TSHZ2: variants seen among roughly 807,000 people sequenced by gnomAD.
The protein encoded by TSHZ2 is teashirt homolog 2.
A neutral mutation model predicts 74.4 loss-of-function variants in TSHZ2; 21 were observed. The ratio of observed to expected loss-of-function variants is 0.28; its 90% CI spans 0.20 to 0.41. TSHZ2 has a LOEUF of 0.41. Ranked by LOEUF, TSHZ2 falls within the 10% of genes least tolerant of loss-of-function variation. The pLI is 1.00. For missense variants in TSHZ2, 1,244 were observed against 1,293.5 expected (o/e 0.96, Z 0.59); for synonymous variants, 540 against 515.3 (o/e 1.05, Z -0.65).
intron 1 of TSHZ2, among the ~76,000 whole-genome samples, chr20:53,101,916 C>T (rs1986228993): frequency 6.6e-6 from 1 of 151,696 alleles, no homozygotes; most frequent in African/African-American, 2.4e-5. Flanking sequence ...TTATTTCCAA[C>T]TTTAAAATCA....
At position 53,078,366 on chromosome 20, in the gene TSHZ2, A is replaced by C. The variant is rs1250973345; in HGVS notation, c.40+105033A>C. On this transcript the variant is annotated intron_variant, in intron 1 of 2. Transcript: ENST00000371497. ...TTTGAGTAATACTTGTTCATTGTAG[A>C]AGATTTGCCAAGTCCAAGAACTACA... 2.0e-5 allele frequency among the ~76,000 whole-genome samples: 3 copies of C among 152,192 alleles called. No homozygotes were observed. In the East Asian group the frequency reaches 5.8e-4, roughly 29 times the overall value.
chr20:53,377,392 G>A (rs1238658915), intron 2 of TSHZ2, among the ~76,000 whole-genome samples: 3 of 152,094 alleles, frequency 2.0e-5, no homozygotes, highest in Admixed American at 6.6e-5. Flanking sequence ...TCTCTCACTC[G>A]GTAGCTTGGA....
At chr20:53,171,445 A>C (rs1054677364) in intron 1 of TSHZ2, among the ~76,000 whole-genome samples, 1 of 152,252 alleles carries the variant, frequency 6.6e-6, no homozygotes, top group African/African-American at 2.4e-5. Context: ...TTAAAAATGT[A>C]ATTTAAATGT....
At chr20:53,235,766 A>G (rs1401712635) in intron 1 of TSHZ2, among the ~76,000 whole-genome samples, 1 of 152,178 alleles carries the variant, frequency 6.6e-6, no homozygotes, top group Non-Finnish European at 1.5e-5. Flanking sequence ...TGCCTGAGTA[A>G]TTAATTCAAA....
In TSHZ2 at chr20:53,070,594, T is replaced by TACTC. The variant is rs566426325; in HGVS notation, c.40+97262_40+97265dup. Among the ~76,000 whole-genome samples the TACTC allele has an allele frequency of 7.2e-5, 11 of 152,342 alleles. No individual in the cohort carries two copies. The South Asian group carries it at 2.3e-3, about 32-fold the overall frequency. On this transcript the variant is annotated intron_variant, in intron 1 of 2. Transcript: ENST00000371497. Reference sequence around the variant, plus strand: ...AAGAGTAATTCACAAGTCAATACATTACTCCTTCACACTTAAACATTGATT... The same window carrying TACTC: ...AAGAGTAATTCACAAGTCAATACATTACTCACTCCTTCACACTTAAACATTGATT...
At chr20:53,004,177 A>G (rs542849056) in intron 1 of TSHZ2, among the ~76,000 whole-genome samples, 1 of 152,266 alleles carries the variant, frequency 6.6e-6, no homozygotes, top group Admixed American at 6.5e-5. Context: ...AACTTTAAAC[A>G]TATTTCATAC....
At chr20:53,421,674 G>GT (rs764819493) in intron 2 of TSHZ2, 14,932 of 131,562 alleles carry the variant, frequency 0.11, 1,300 homozygotes, top group East Asian at 0.31. Flanking sequence ...TTTATCTTAT[G>GT]TTTTTGGTTT....
At chr20:53,279,487 A>G (rs996560645) in intron 2 of TSHZ2, among the ~76,000 whole-genome samples, 1 of 152,224 alleles carries the variant, frequency 6.6e-6, no homozygotes, top group African/African-American at 2.4e-5. Context: ...GGCAGGCTGG[A>G]TCAGGCCCAC....
chr20:53,012,693 CATGCACACCTACACAT>C (rs1343168728), intron 1 of TSHZ2, among the ~76,000 whole-genome samples: 33 of 152,128 alleles, frequency 2.2e-4, no homozygotes, highest in Non-Finnish European at 4.7e-4. Context: ...TGCACACATA[CATGCACACCTACACAT>C]ATGCACAGAT....
At chr20:53,385,114 C>T (rs978802531) in intron 2 of TSHZ2, among the ~76,000 whole-genome samples, 2 of 151,474 alleles carry the variant, frequency 1.3e-5, no homozygotes, top group Non-Finnish European at 2.9e-5. Flanking sequence ...GGCAAGACTC[C>T]GTCTCAAAAA....
chr20:53,465,897 C>T (rs1985541722), intron 2 of TSHZ2, among the ~76,000 whole-genome samples: 1 of 151,612 alleles, frequency 6.6e-6, no homozygotes, highest in South Asian at 2.1e-4. Flanking sequence ...AATCTACCAA[C>T]CCTCTTTTCC....
intron 2 of TSHZ2, among the ~76,000 whole-genome samples, chr20:53,387,930 TCC>T (rs905313630): frequency 6.6e-6 from 1 of 151,630 alleles, no homozygotes; most frequent in Non-Finnish European, 1.5e-5. Flanking sequence ...GCGCCTGTAG[TCC>T]CAGCTACTCA....
chr20:53,227,414 C>G (rs6022345), intron 1 of TSHZ2, among the ~76,000 whole-genome samples: 45,672 of 151,110 alleles, frequency 0.3, 7,023 homozygotes, highest in African/African-American at 0.35. Context: ...TTTTATGTTT[C>G]TTTTCATAAA....
Position 53,367,788 on chromosome 20 carries a change from G to C in TSHZ2, c.*8+111217G>C, listed in dbSNP as rs143059624. Reference sequence around the variant, plus strand: ...GGGTTTCATCGTGTTAGCCAGGATGGTCTCAATCTCCTGACCTCGTGATCC... The same window carrying C: ...GGGTTTCATCGTGTTAGCCAGGATGCTCTCAATCTCCTGACCTCGTGATCC... On this transcript the variant is annotated intron_variant, in intron 2 of 2. Coordinates refer to ENST00000371497, the MANE Select transcript of TSHZ2 (RefSeq NM_173485.6). Among the ~76,000 whole-genome samples, 1,073 of 152,038 alleles carry C rather than the reference G, an allele frequency of 7.1e-3. 50 individuals carry two copies. The East Asian group carries it at 0.12, about 17-fold the overall frequency.
chr20:53,257,581 GTCTTAACCAATCTC>G (rs1990509965), intron 2 of TSHZ2, among the ~76,000 whole-genome samples: 1 of 152,194 alleles, frequency 6.6e-6, no homozygotes, highest in African/African-American at 2.4e-5. Flanking sequence ...GCAAGGCTGG[GTCTTAACCAATCTC>G]TTTCATTTGC....
intron 1 of TSHZ2, among the ~76,000 whole-genome samples, chr20:53,015,465 C>T (rs1012537598): frequency 1.4e-4 from 21 of 152,110 alleles, no homozygotes; most frequent in Admixed American, 5.2e-4. Context: ...CTACCCCTAG[C>T]AAATAATTAT....
intron 2 of TSHZ2, among the ~76,000 whole-genome samples, chr20:53,386,164 T>A (rs1194899257): frequency 6.6e-6 from 1 of 152,184 alleles, no homozygotes; most frequent in African/African-American, 2.4e-5. Context: ...GGCTCTGTAT[T>A]TATATAACAA....
At chr20:53,388,819 G>A (rs1568896131) in intron 2 of TSHZ2, among the ~76,000 whole-genome samples, 1 of 152,064 alleles carries the variant, frequency 6.6e-6, no homozygotes, top group Non-Finnish European at 1.5e-5. Context: ...CTGACCTCAA[G>A]TGATCTGCCC....
chr20:53,043,304 C>T (rs866761118), intron 1 of TSHZ2, among the ~76,000 whole-genome samples: 41 of 152,098 alleles, frequency 2.7e-4, no homozygotes, highest in Non-Finnish European at 4.7e-4. Context: ...GGTGGTTTTG[C>T]CTCTCAGGGG....
Sources: gnomAD v4.1 joint callset for allele counts (sites outside exome capture counted in the v4.1 genomes callset) on GRCh38, gnomAD v4.1.1 for gene constraint, MANE v1.5 for transcripts, NCBI Gene and HGNC (gene_info 2026-07-23, HGNC 2026-07-21) for gene names.